The following DLGAP1 variants were observed in gnomAD, a reference collection of about 807,000 sequenced individuals.
DLGAP1 encodes the protein disks large-associated protein 1.
DLGAP1 carries 11 observed loss-of-function variants against 90.8 expected under a neutral mutation model. The observed-to-expected ratio is 0.12, with a 90% confidence interval of 0.08 to 0.20. DLGAP1 has a LOEUF of 0.20. Among genes scored for constraint, DLGAP1 ranks in the 10% least tolerant of loss-of-function variants. The pLI, the probability that DLGAP1 is intolerant of heterozygous loss-of-function variation, is 1.00. For synonymous variants in DLGAP1, 558 were observed against 540.7 expected (o/e 1.03, Z -0.44); for missense variants, 1,050 against 1,333.8 (o/e 0.79, Z 3.31).
At chr18:3,543,865 G>A (rs2052854686) in intron 9 of DLGAP1, among the ~76,000 whole-genome samples, 2 of 152,130 alleles carry the variant, frequency 1.3e-5, no homozygotes, top group South Asian at 4.1e-4. Context: ...GCAGTGTATG[G>A]AAGAGGAGAG....
rs549316085 is a variant in DLGAP1, at chr18:3,513,757, C to CTTTTAT, written c.2480-5102_2480-5097dup. On this transcript the variant is annotated intron_variant, in intron 10 of 12. Coordinates refer to ENST00000315677, the MANE Select transcript of DLGAP1 (RefSeq NM_004746.4). ...TATGTTGGCTGTGGGAAAGGGGAGTCTTTTATGCAATCTATGATTTGAAAT... is the reference window on the plus strand; with the variant it reads ...TATGTTGGCTGTGGGAAAGGGGAGTCTTTTATTTTTATGCAATCTATGATTTGAAAT... Among the ~76,000 whole-genome samples, 20 of 152,266 alleles carry CTTTTAT rather than the reference C, an allele frequency of 1.3e-4. No individual in the cohort carries two copies. The East Asian group carries it at 3.9e-3, about 29-fold the overall frequency.
intron 9 of DLGAP1, among the ~76,000 whole-genome samples, chr18:3,563,597 G>T (rs1394590284): frequency 6.6e-6 from 1 of 151,990 alleles, no homozygotes; most frequent in Non-Finnish European, 1.5e-5. Flanking sequence ...ATCCTCCCAA[G>T]TAGCTGGGAT....
intron 10 of DLGAP1, among the ~76,000 whole-genome samples, chr18:3,523,530 C>A (rs904888480): frequency 3.9e-5 from 6 of 152,050 alleles, no homozygotes; most frequent in Admixed American, 6.5e-5. Flanking sequence ...AAGCAACTAA[C>A]CCCAAAAAAC....
At position 3,720,893 on chromosome 18, in the gene DLGAP1, A is replaced by C. The variant is rs1019791015; in HGVS notation, c.1591+8242T>G. Reference sequence around the variant, plus strand: ...ATACTAAGACCTTGTCTCTACAAAAAAAAAAAAAAAAAAAAATTAGCTGGG... The same window carrying C: ...ATACTAAGACCTTGTCTCTACAAAACAAAAAAAAAAAAAAAATTAGCTGGG... On this transcript the variant is annotated intron_variant, in intron 7 of 12. Transcript: ENST00000315677. 5.7e-4 allele frequency among the ~76,000 whole-genome samples: 83 copies of C among 145,156 alleles called. 4 individuals carry two copies. Among genetic ancestry groups the C allele is most frequent in the African/African-American group, 2.1e-3 (79 of 38,048 alleles).
At chr18:3,580,487 G>T (rs2240900) in intron 8 of DLGAP1, 451,117 of 1,606,276 alleles carry the variant, frequency 0.28, 64,535 homozygotes, top group East Asian at 0.37. Context: ...TGTCCACAAG[G>T]TGAGAGACCA....
chr18:4,197,446 G>A (rs1435203082), intron 1 of DLGAP1, among the ~76,000 whole-genome samples: 1 of 152,100 alleles, frequency 6.6e-6, no homozygotes, highest in Non-Finnish European at 1.5e-5. Context: ...GAGTTTAGAT[G>A]TGAGTGTCTG....
At chr18:3,814,746 T>C (rs1400293479) in intron 4 of DLGAP1, among the ~76,000 whole-genome samples, 1 of 152,170 alleles carries the variant, frequency 6.6e-6, no homozygotes. Flanking sequence ...TCAGGGTAAA[T>C]GGGGTATCCA....
At chr18:3,794,655 G>T (rs2065897394) in intron 5 of DLGAP1, among the ~76,000 whole-genome samples, 1 of 152,212 alleles carries the variant, frequency 6.6e-6, no homozygotes, top group East Asian at 1.9e-4. Flanking sequence ...ATTCATGTGG[G>T]ACCATACGTA....
chr18:3,567,595 CA>C lies in DLGAP1; in HGVS notation c.1966-15del. 6.2e-7 allele frequency: 1 copy of C among 1,607,730 alleles called. No individual in the cohort carries two copies. On this transcript the variant is annotated splice_polypyrimidine_tract_variant and intron_variant, in intron 8 of 12. Coordinates refer to ENST00000315677, the MANE Select transcript of DLGAP1 (RefSeq NM_004746.4). ...AGCATCATCCACCTGGAGAAATCAT[CA>C]AATAAATAGAGTTGTTCCATTTCAG...
intron 1 of DLGAP1, among the ~76,000 whole-genome samples, chr18:4,327,275 T>G (rs2080842848): frequency 6.6e-6 from 1 of 151,984 alleles, no homozygotes; most frequent in African/African-American, 2.4e-5. Flanking sequence ...TTAGCTTAAT[T>G]TAATCATTAC....
At chr18:3,534,700 T>A (rs2052234580) in intron 9 of DLGAP1, 85 bp from the exon 10 acceptor site, 2 of 1,316,120 alleles carry the variant, frequency 1.5e-6, no homozygotes, top group Admixed American at 2.9e-5. Context: ...CTTTCTTTTT[T>A]TTTTTTTTTT....
intron 1 of DLGAP1, among the ~76,000 whole-genome samples, chr18:4,246,033 A>C (rs1258501055): frequency 6.6e-6 from 1 of 152,218 alleles, no homozygotes; most frequent in African/African-American, 2.4e-5. Context: ...TGCTGATGGG[A>C]AACAAACCTT....
intron 4 of DLGAP1, among the ~76,000 whole-genome samples, chr18:3,828,590 T>C (rs2067852619): frequency 7.6e-6 from 1 of 131,090 alleles, no homozygotes; most frequent in Non-Finnish European, 1.5e-5. Flanking sequence ...CAGTGAGTTG[T>C]GATCAGGCCA....
chr18:3,652,449 T>A (rs1459630111), intron 7 of DLGAP1, among the ~76,000 whole-genome samples: 2 of 152,152 alleles, frequency 1.3e-5, no homozygotes, highest in African/African-American at 4.8e-5. Context: ...CACTTCAGAC[T>A]CCCAAGTAGC....
intron 1 of DLGAP1, among the ~76,000 whole-genome samples, chr18:4,324,438 A>G (rs1377853484): frequency 6.6e-6 from 1 of 152,012 alleles, no homozygotes; most frequent in East Asian, 1.9e-4. Context: ...TGTCAGATGT[A>G]TAAACAGGAG....
At chr18:3,593,695 G>T (rs2056410226) in intron 7 of DLGAP1, 1 of 152,086 alleles carries the variant, frequency 6.6e-6, no homozygotes, top group Admixed American at 6.5e-5. Flanking sequence ...ACTTCCTAAC[G>T]CCAGACAAAT....
intron 1 of DLGAP1, among the ~76,000 whole-genome samples, chr18:4,268,235 T>C (rs1166483293): frequency 6.6e-6 from 1 of 152,262 alleles, no homozygotes; most frequent in African/African-American, 2.4e-5. Context: ...CCCTTGATGT[T>C]GATGGCTTAT....
At chr18:4,005,885 G>A (rs909526827) in intron 2 of DLGAP1, among the ~76,000 whole-genome samples, 2 of 152,094 alleles carry the variant, frequency 1.3e-5, no homozygotes, top group Non-Finnish European at 2.9e-5. Context: ...TTTTTGACAC[G>A]GATGCCTAGG....
intron 1 of DLGAP1, among the ~76,000 whole-genome samples, chr18:4,377,597 C>CA (rs879470773): frequency 6.6e-6 from 1 of 151,952 alleles, no homozygotes; most frequent in Non-Finnish European, 1.5e-5. Context: ...CAGTCACTTA[C>CA]AAAAAAATTC....
Sources: allele counts gnomAD v4.1 joint callset (sites outside exome capture counted in the v4.1 genomes callset), GRCh38; gene constraint gnomAD v4.1.1; transcripts MANE v1.5; gene names NCBI Gene and HGNC (gene_info 2026-07-23, HGNC 2026-07-21).